DENND5B: variants seen among roughly 807,000 people sequenced by gnomAD.
The protein encoded by DENND5B is DENN domain containing 5B.
DENND5B carries 34 observed loss-of-function variants against 140.6 expected under a neutral mutation model. The observed-to-expected ratio is 0.24, with a 90% confidence interval of 0.18 to 0.32. The LOEUF is 0.32. DENND5B is among the 10% of genes least tolerant of loss of function. DENND5B has a pLI of 1.00. For missense variants in DENND5B, 1,142 were observed against 1,560.2 expected (o/e 0.73, Z 4.52); for synonymous variants, 551 against 562.1 (o/e 0.98, Z 0.28).
chr12:31,584,384 T>C (rs1172157675), intron 1 of DENND5B, among the ~76,000 whole-genome samples: 6 of 152,238 alleles, frequency 3.9e-5, no homozygotes, highest in African/African-American at 1.4e-4. Context: ...TTAGCTTCAC[T>C]CACTCTTGGG....
chr12:31,470,177 C>A (rs1472702349), intron 3 of DENND5B, among the ~76,000 whole-genome samples: 2 of 131,034 alleles, frequency 1.5e-5, no homozygotes, highest in Non-Finnish European at 3.1e-5. Context: ...TGCAATGGTG[C>A]GATCTCGGCT....
chr12:31,454,413 T>C, intron 4 of DENND5B, among the ~76,000 whole-genome samples: 1 of 152,200 alleles, frequency 6.6e-6, no homozygotes. Context: ...TGTCGCATCT[T>C]GCTGAAGACA....
In DENND5B at chr12:31,451,981, A is replaced by G; in HGVS notation, c.1588T>C (p.Ser530Pro). ...FVIQTAQDME[S>P]WLTNREQMQN... is the part of the protein sequence containing the mutation. ...ATCTGTTCCCGGTTGGTCAGCCAGG[A>G]TTCCATGTCCTGGGCAGTCTGAATG... Residue 530 changes from serine to proline, a missense_variant, in exon 5 of 21, where the codon TCC becomes CCC. Physicochemically the swap from Ser to Pro is moderately conservative, Grantham distance 74. Transcript: ENST00000389082. 1 of 1,613,588 alleles carries G rather than the reference A, an allele frequency of 6.2e-7. No individual in the cohort carries two copies.
chr12:31,459,312 G>C (rs1260180425), intron 4 of DENND5B, among the ~76,000 whole-genome samples: 1 of 151,938 alleles, frequency 6.6e-6, no homozygotes, highest in Admixed American at 6.6e-5. Flanking sequence ...ATTTATTTTT[G>C]AGACGGAATC....
At chr12:31,470,132 T>TG (rs36045611) in intron 3 of DENND5B, among the ~76,000 whole-genome samples, 1 of 147,764 alleles carries the variant, frequency 6.8e-6, no homozygotes, top group Non-Finnish European at 1.5e-5. Flanking sequence ...TTTTTTTCTT[T>TG]GGAGATGGAG....
chr12:31,565,625 GCTCT>G (rs1477600567), intron 1 of DENND5B, among the ~76,000 whole-genome samples: 2 of 152,102 alleles, frequency 1.3e-5, no homozygotes, highest in African/African-American at 4.8e-5. Context: ...TAAATGCCCT[GCTCT>G]CTATCAGATT....
At chr12:31,535,000 G>C (rs959992634) in intron 1 of DENND5B, 2 of 238,688 alleles carry the variant, frequency 8.4e-6, no homozygotes, top group Admixed American at 1.2e-4. Context: ...CTTGAACCTG[G>C]GAGGTGGAGG....
At chr12:31,519,822 C>A (rs1947808809) in intron 1 of DENND5B, among the ~76,000 whole-genome samples, 1 of 152,172 alleles carries the variant, frequency 6.6e-6, no homozygotes, top group South Asian at 2.1e-4. Context: ...CTTACACTCA[C>A]CCTTTTAAAG....
intron 1 of DENND5B, among the ~76,000 whole-genome samples, chr12:31,530,601 G>C (rs1352978472): frequency 6.6e-6 from 1 of 152,128 alleles, no homozygotes; most frequent in Non-Finnish European, 1.5e-5. Flanking sequence ...AGTTGAATAT[G>C]TCAGCACTGA....
intron 14 of DENND5B, among the ~76,000 whole-genome samples, chr12:31,406,664 T>G (rs1032126186): frequency 6.6e-6 from 1 of 152,200 alleles, no homozygotes; most frequent in Non-Finnish European, 1.5e-5. Flanking sequence ...CAACAGTGAT[T>G]TCATAGTTTA....
chr12:31,563,148 C>T (rs543571910), intron 1 of DENND5B, among the ~76,000 whole-genome samples: 1 of 152,202 alleles, frequency 6.6e-6, no homozygotes, highest in East Asian at 1.9e-4. Context: ...TGTTTTTTCA[C>T]CTTGCAAAGC....
intron 3 of DENND5B, among the ~76,000 whole-genome samples, chr12:31,470,412 C>A (rs904926116): frequency 5.3e-5 from 8 of 151,806 alleles, no homozygotes; most frequent in African/African-American, 1.9e-4. Flanking sequence ...CTGTGCCCGG[C>A]CTTATTTTTA....
intron 3 of DENND5B, among the ~76,000 whole-genome samples, chr12:31,471,891 A>C (rs1378556404): frequency 6.6e-6 from 1 of 152,142 alleles, no homozygotes; most frequent in East Asian, 1.9e-4. Context: ...GACTGGATAA[A>C]AGCTACTCGA....
intron 3 of DENND5B, among the ~76,000 whole-genome samples, chr12:31,472,296 CAA>C (rs1395778415): frequency 6.6e-5 from 10 of 152,114 alleles, no homozygotes; most frequent in East Asian, 3.9e-4. Context: ...GGGACTGAAA[CAA>C]AAGTCTTTTT....
chr12:31,439,375 T>G (rs185344529), intron 7 of DENND5B, among the ~76,000 whole-genome samples: 11 of 152,306 alleles, frequency 7.2e-5, no homozygotes, highest in African/African-American at 2.6e-4. Flanking sequence ...AATAAGGCTA[T>G]AAGATTTCAA....
intron 15 of DENND5B, 64 bp downstream of exon 15, chr12:31,402,434 G>C (rs1438845252): frequency 6.6e-7 from 1 of 1,520,662 alleles, no homozygotes; most frequent in Non-Finnish European, 8.8e-7. Flanking sequence ...GAAAAAGCCA[G>C]ACAGAATCAT....
At chr12:31,508,804 G>GA (rs1225712792) in intron 1 of DENND5B, among the ~76,000 whole-genome samples, 1 of 152,096 alleles carries the variant, frequency 6.6e-6, no homozygotes, top group African/African-American at 2.4e-5. Context: ...TGCACAGACT[G>GA]AAAATCACAC....
chr12:31,470,408 C>A (rs1378057444), intron 3 of DENND5B, among the ~76,000 whole-genome samples: 2 of 151,918 alleles, frequency 1.3e-5, no homozygotes, highest in South Asian at 4.2e-4. Flanking sequence ...TACACTGTGC[C>A]CGGCCTTATT....
intron 1 of DENND5B, among the ~76,000 whole-genome samples, chr12:31,562,077 A>C (rs1271300024): frequency 6.6e-6 from 1 of 152,204 alleles, no homozygotes; most frequent in Non-Finnish European, 1.5e-5. Context: ...CCACCATTAT[A>C]AATTAAATAC....
Sources: gnomAD v4.1 joint callset for allele counts (sites outside exome capture counted in the v4.1 genomes callset) on GRCh38, gnomAD v4.1.1 for gene constraint, MANE v1.5 for transcripts, NCBI Gene and HGNC (gene_info 2026-07-23, HGNC 2026-07-21) for gene names.